The following CEP63 variants were observed in gnomAD, a reference collection of about 807,000 sequenced individuals.
CEP63 encodes centrosomal protein of 63 kDa.
A neutral mutation model predicts 89.1 loss-of-function variants in CEP63; 84 were observed. That is an observed-to-expected ratio of 0.94 (90% CI 0.79 to 1.13). CEP63 has a LOEUF of 1.13. CEP63 is among the 50% of genes most tolerant of loss of function. The probability of loss-of-function intolerance (pLI) is 0.00; values close to 1 mark genes in which losing one functional copy is unlikely to be tolerated. For missense variants in CEP63, 838 were observed against 813.3 expected (o/e 1.03, Z -0.37); for synonymous variants, 267 against 272.5 (o/e 0.98, Z 0.20).
chr3:134,603,268 ACAG>A, the CEP63 span: 11 of 242,658 alleles, frequency 4.5e-5, no homozygotes, highest in South Asian at 3.2e-4. Flanking sequence ...AGCAACAACA[ACAG>A]CAGCAGCACT....
At chr3:134,747,934 C>T in the CEP63 span, among the ~76,000 whole-genome samples, 10 of 152,090 alleles carry the variant, frequency 6.6e-5, no homozygotes, top group South Asian at 2.1e-4. Context: ...CACAGGTGCC[C>T]GCCACCATGC....
the CEP63 span, among the ~76,000 whole-genome samples, chr3:134,641,672 G>A: frequency 6.6e-6 from 1 of 152,284 alleles, no homozygotes; most frequent in East Asian, 1.9e-4. Flanking sequence ...CTCATTTGTG[G>A]AAATTTCCTG....
the CEP63 span, among the ~76,000 whole-genome samples, chr3:134,609,623 C>T: frequency 6.6e-6 from 1 of 152,178 alleles, no homozygotes; most frequent in East Asian, 1.9e-4. Flanking sequence ...TTGGCCAGAG[C>T]CCCAGAGGAC....
At chr3:134,624,662 A>C in the CEP63 span, among the ~76,000 whole-genome samples, 1 of 152,212 alleles carries the variant, frequency 6.6e-6, no homozygotes, top group Non-Finnish European at 1.5e-5. Context: ...GGTCCTGGCC[A>C]TCTGCATCCA....
intron 9 of CEP63, among the ~76,000 whole-genome samples, chr3:134,548,659 T>A (rs762246926): frequency 1.4e-5 from 1 of 71,356 alleles, no homozygotes; most frequent in Admixed American, 1.2e-4. Flanking sequence ...AAGTAATACA[T>A]TTTTTGTTTT....
chr3:134,608,666 G>T, the CEP63 span: 1 of 1,614,064 alleles, frequency 6.2e-7, no homozygotes, highest in Non-Finnish European at 8.5e-7. Flanking sequence ...GATCATGGAA[G>T]TCTCTGGGTG....
At chr3:134,694,423 A>G in the CEP63 span, among the ~76,000 whole-genome samples, 11 of 152,302 alleles carry the variant, frequency 7.2e-5, no homozygotes, top group East Asian at 2.1e-3. Flanking sequence ...AAGTTAAGTA[A>G]AAGAGCAGCC....
the CEP63 span, among the ~76,000 whole-genome samples, chr3:134,727,731 C>A: frequency 4.6e-5 from 7 of 152,078 alleles, no homozygotes; most frequent in Non-Finnish European, 7.4e-5. Context: ...TAGGATTTGC[C>A]TAAAATACTC....
At chr3:134,666,360 C>T in the CEP63 span, among the ~76,000 whole-genome samples, 3 of 152,152 alleles carry the variant, frequency 2.0e-5, no homozygotes, top group South Asian at 4.1e-4. Context: ...GTCGGGGAGA[C>T]GAGAAATCTG....
Position 134,585,061 on chromosome 3 carries a change from G to A in CEP63, c.1207-2397G>A, listed in dbSNP as rs148922378. 1.9e-3 allele frequency among the ~76,000 whole-genome samples: 277 copies of A among 148,786 alleles called. 1 individual carries two copies. The highest frequency in any genetic ancestry group is 5.9e-3 in the African/African-American group (236 of 39,874). ...TATCCCCTTTATCATTTTTAATTGC[G>A]TCTATTTGATTCCTCTCTTCTTCTT... On this transcript the variant is annotated intron_variant, in intron 10 of 10. Coordinates refer to the CEP63 transcript ENST00000683931.
chr3:134,767,619 T>C, the CEP63 span, among the ~76,000 whole-genome samples: 1 of 152,190 alleles, frequency 6.6e-6, no homozygotes, highest in Non-Finnish European at 1.5e-5. Context: ...GCCTTGTAGG[T>C]GAAGTAGCAA....
At chr3:134,498,941 G>A (rs1941071746) in intron 2 of CEP63, among the ~76,000 whole-genome samples, 2 of 152,160 alleles carry the variant, frequency 1.3e-5, no homozygotes, top group Admixed American at 6.5e-5. Flanking sequence ...TGGTTGGCTA[G>A]TATTTTGTTG....
At chr3:134,659,246 G>T in the CEP63 span, among the ~76,000 whole-genome samples, 2 of 152,160 alleles carry the variant, frequency 1.3e-5, no homozygotes, top group Non-Finnish European at 1.5e-5. Context: ...CTTTAACCTA[G>T]CCAAGTGTTG....
chr3:134,714,323 A>G, the CEP63 span, among the ~76,000 whole-genome samples: 1 of 152,314 alleles, frequency 6.6e-6, no homozygotes, highest in Admixed American at 6.5e-5. Context: ...TTTTATTAAA[A>G]ATTGTTACTA....
chr3:134,585,856 C>T (rs535485685), intron 10 of CEP63, among the ~76,000 whole-genome samples: 1 of 152,198 alleles, frequency 6.6e-6, no homozygotes, highest in Non-Finnish European at 1.5e-5. Flanking sequence ...TAAGGACTTG[C>T]TTTATGAATC....
chr3:134,675,960 G>C, the CEP63 span, among the ~76,000 whole-genome samples: 9 of 152,326 alleles, frequency 5.9e-5, no homozygotes, highest in African/African-American at 1.7e-4. Context: ...AGCCACATTG[G>C]AGTGCTTCTG....
At chr3:134,704,971 C>T in the CEP63 span, among the ~76,000 whole-genome samples, 2 of 152,170 alleles carry the variant, frequency 1.3e-5, no homozygotes, top group African/African-American at 4.8e-5. Flanking sequence ...TTCCAAGAAC[C>T]ATAGGTCCCA....
At chr3:134,762,050 C>G in the CEP63 span, among the ~76,000 whole-genome samples, 1 of 152,144 alleles carries the variant, frequency 6.6e-6, no homozygotes, top group African/African-American at 2.4e-5. Flanking sequence ...GAAACCTTGA[C>G]ATCAATCCCT....
At chr3:134,690,361 T>A in the CEP63 span, among the ~76,000 whole-genome samples, 1 of 152,212 alleles carries the variant, frequency 6.6e-6, no homozygotes, top group Non-Finnish European at 1.5e-5. Flanking sequence ...TCTAAAAGCT[T>A]CCTGTATTTC....
Sources: allele counts gnomAD v4.1 joint callset (sites outside exome capture counted in the v4.1 genomes callset), GRCh38; gene constraint gnomAD v4.1.1; transcripts MANE v1.5; gene names NCBI Gene and HGNC (gene_info 2026-07-23, HGNC 2026-07-21).